APLP2: variants seen among roughly 807,000 people sequenced by gnomAD.
APLP2 encodes the protein CDEI box-binding protein.
A neutral mutation model predicts 89.9 loss-of-function variants in APLP2; 53 were observed. That is an observed-to-expected ratio of 0.59 (90% confidence interval 0.47 to 0.74). The LOEUF (loss-of-function observed/expected upper bound fraction) is 0.74, where lower values mean the gene tolerates loss of function less well. Ranked by LOEUF, APLP2 falls within the 30% of genes least tolerant of loss-of-function variation. The pLI is 0.00. For missense variants in APLP2, 973 were observed against 975.9 expected, an observed-to-expected ratio of 1.00 and a Z score of 0.04; for synonymous variants, 372 against 348.6, an observed-to-expected ratio of 1.07 and a Z score of -0.75.
chr11:130,125,220 T>C (rs1454172076), intron 7 of APLP2, among the ~76,000 whole-genome samples: 2 of 152,160 alleles, frequency 1.3e-5, no homozygotes, highest in Admixed American at 1.3e-4. Context: ...GAGGGTGTCT[T>C]CAGAAAAAAG....
chr11:130,100,646 C>A (rs1039089283), intron 1 of APLP2, among the ~76,000 whole-genome samples: 1 of 152,066 alleles, frequency 6.6e-6, no homozygotes, highest in Admixed American at 6.6e-5. Flanking sequence ...CATTTTCAAT[C>A]TTGGAAATGA....
chr11:130,126,349 C>A (rs1027535892), intron 7 of APLP2, among the ~76,000 whole-genome samples: 2 of 152,136 alleles, frequency 1.3e-5, no homozygotes, highest in African/African-American at 4.8e-5. Context: ...TGCTCAGTTA[C>A]GAGCAATAAG....
chr11:130,129,627 A>C (rs1950717201), intron 10 of APLP2, among the ~76,000 whole-genome samples: 1 of 152,230 alleles, frequency 6.6e-6, no homozygotes, highest in South Asian at 2.1e-4. Flanking sequence ...TTTGTCCCTT[A>C]ACACTAACCT....
intron 1 of APLP2, among the ~76,000 whole-genome samples, chr11:130,105,925 A>G (rs1423349797): frequency 6.6e-6 from 1 of 150,552 alleles, no homozygotes; most frequent in Non-Finnish European, 1.5e-5. Context: ...CTGGTCTCGA[A>G]CTCCCGACCT....
intron 1 of APLP2, among the ~76,000 whole-genome samples, chr11:130,074,227 C>T (rs901123271): frequency 6.6e-6 from 1 of 151,826 alleles, no homozygotes; most frequent in Non-Finnish European, 1.5e-5. Context: ...TTTTGTTTTT[C>T]TTTTTTGAGT....
At chr11:130,124,466 G>A (rs1950166064) in intron 7 of APLP2, among the ~76,000 whole-genome samples, 1 of 152,062 alleles carries the variant, frequency 6.6e-6, no homozygotes, top group Non-Finnish European at 1.5e-5. Context: ...GACGTTGGTA[G>A]AAAGAGTTTC....
intron 1 of APLP2, among the ~76,000 whole-genome samples, chr11:130,081,545 T>C (rs185428021): frequency 6.6e-6 from 1 of 152,292 alleles, no homozygotes; most frequent in Admixed American, 6.5e-5. Context: ...TCTTTGAACT[T>C]ATATAAATGC....
At chr11:130,115,089 A>G (rs1048907038) in intron 3 of APLP2, among the ~76,000 whole-genome samples, 1 of 152,120 alleles carries the variant, frequency 6.6e-6, no homozygotes, top group Non-Finnish European at 1.5e-5. Flanking sequence ...TGGGGTGACC[A>G]CCAGACCTCA....
In APLP2 at chr11:130,141,347, G is replaced by T; in HGVS notation, c.1924-151G>T. Reference sequence around the variant, plus strand: ...ATTAGGGGTTTGGGGAGTGGATTTGGAAGGCTGTGACAGAACTGGTTGGTT... The same window carrying T: ...ATTAGGGGTTTGGGGAGTGGATTTGTAAGGCTGTGACAGAACTGGTTGGTT... On this transcript the variant is annotated intron_variant, in intron 14 of 16. Coordinates refer to ENST00000338167, the MANE Select transcript of APLP2 (RefSeq NM_001142276.2). The surrounding 1 kb of genome is among the most constrained non-coding windows in gnomAD (Gnocchi z 4.2). 1 of 640,170 alleles carries T rather than the reference G, an allele frequency of 1.6e-6. No homozygotes were observed. 39.7% of individuals were successfully genotyped at this position (640,170 alleles called of 1,614,324 possible).
At chr11:130,083,362 A>G (rs930698765) in intron 1 of APLP2, among the ~76,000 whole-genome samples, 3 of 145,634 alleles carry the variant, frequency 2.1e-5, no homozygotes, top group African/African-American at 8.3e-5. Context: ...TGTGGTAAGA[A>G]CACTTAACAT....
intron 13 of APLP2, among the ~76,000 whole-genome samples, chr11:130,139,807 G>T (rs969184675): frequency 1.3e-5 from 2 of 152,132 alleles, no homozygotes; most frequent in African/African-American, 4.8e-5. Flanking sequence ...CGGCACAGAG[G>T]GATTCAGCGT....
intron 3 of APLP2, among the ~76,000 whole-genome samples, 177 bp downstream of exon 3, chr11:130,110,838 C>T (rs1223164278): frequency 6.6e-6 from 1 of 151,980 alleles, no homozygotes; most frequent in Non-Finnish European, 1.5e-5. Flanking sequence ...TGGTTGACCT[C>T]CTCTCAGTGA....
In APLP2 at chr11:130,120,797, C is replaced by G. The variant is rs755904211; in HGVS notation, c.495C>G (p.His165Gln). The G allele has an allele frequency of 6.2e-7, 1 of 1,613,788 alleles. No homozygotes were observed. ...ERMEVCENHQ[H>Q]WHTVVKEACL... ...TGGAGGTGTGTGAGAATCACCAGCA[C>G]TGGCACACGGTAGTCAAAGAGGTAA... The change falls in exon 4 of 17, where the codon CAC (histidine) becomes CAG (glutamine). Residue 165 changes from histidine to glutamine, a missense_variant. Coordinates refer to ENST00000338167, the MANE Select transcript of APLP2 (RefSeq NM_001142276.2).
At chr11:130,113,353 G>A (rs1325942745) in intron 3 of APLP2, among the ~76,000 whole-genome samples, 1 of 152,170 alleles carries the variant, frequency 6.6e-6, no homozygotes, top group Non-Finnish European at 1.5e-5. Context: ...TTAATGAAAT[G>A]CATAAAAGAC....
Position 130,123,605 on chromosome 11 carries a change from C to A in APLP2, c.923-7C>A. 3.7e-6 allele frequency: 6 copies of A among 1,611,108 alleles called. No individual in the cohort carries two copies. Among genetic ancestry groups the A allele is most frequent in the Non-Finnish European group, 5.1e-6 (6 of 1,178,760 alleles). ...GTCCTGCTGACACTCTGACCATTTT[C>A]ACACAGCTGTCTGCTCCCAGGAGGC... On this transcript the variant is annotated splice_region_variant and splice_polypyrimidine_tract_variant and intron_variant, in intron 6 of 16. Coordinates refer to ENST00000338167, the MANE Select transcript of APLP2 (RefSeq NM_001142276.2). The surrounding 1 kb of genome is among the most constrained non-coding windows in gnomAD (Gnocchi z 4.0).
intron 1 of APLP2, among the ~76,000 whole-genome samples, chr11:130,096,663 AGCCGTGATT>A (rs1195938239): frequency 5.3e-5 from 8 of 152,220 alleles, no homozygotes; most frequent in Non-Finnish European, 1.2e-4. Flanking sequence ...GGTTATAATC[AGCCGTGATT>A]GCACCACTGA....
intron 1 of APLP2, among the ~76,000 whole-genome samples, chr11:130,087,885 A>G (rs954878747): frequency 1.3e-5 from 2 of 152,218 alleles, no homozygotes; most frequent in African/African-American, 4.8e-5. Flanking sequence ...TTGTGAATTG[A>G]TAAAAGTCAT....
chr11:130,124,659 A>G (rs1396746699), intron 7 of APLP2, among the ~76,000 whole-genome samples: 1 of 152,188 alleles, frequency 6.6e-6, no homozygotes, highest in East Asian at 1.9e-4. Context: ...ATAGCTTCTG[A>G]CGGTTTTTCA....
intron 3 of APLP2, among the ~76,000 whole-genome samples, chr11:130,116,725 G>C (rs948988468): frequency 6.6e-6 from 1 of 152,006 alleles, no homozygotes; most frequent in Non-Finnish European, 1.5e-5. Flanking sequence ...ACCTGCCTCA[G>C]CCTCATAAAG....
Sources: allele counts gnomAD v4.1 joint callset (sites outside exome capture counted in the v4.1 genomes callset), GRCh38; gene constraint gnomAD v4.1.1; non-coding constraint Gnocchi (gnomAD v3.1); transcripts MANE v1.5; gene names NCBI Gene and HGNC (gene_info 2026-07-23, HGNC 2026-07-21).